The following CETN3 variants were observed in gnomAD, a reference collection of about 807,000 sequenced individuals.
CETN3 encodes centrin-3.
In CETN3, 17 loss-of-function variants were observed where a neutral mutation model predicts 20.1. That is an observed-to-expected ratio of 0.85 (90% CI 0.58 to 1.27). CETN3 has a LOEUF of 1.27. Ranked by LOEUF, CETN3 falls within the 50% of genes most tolerant of loss-of-function variation. The probability of loss-of-function intolerance (pLI) is 0.00; values close to 1 mark genes in which losing one functional copy is unlikely to be tolerated. For missense variants in CETN3, 169 were observed against 191.2 expected (o/e 0.88, Z 0.69); for synonymous variants, 52 against 59.7 (o/e 0.87, Z 0.59).
In CETN3 at chr5:90,393,945, C is replaced by T. The variant is rs544294064; in HGVS notation, c.*119G>A. The T allele has an allele frequency of 2.3e-5, 16 of 700,196 alleles. No homozygotes were observed. The Admixed American group carries it at 2.9e-4, about 13-fold the overall frequency. The allele number at this position is 700,196 out of a possible 1,614,324, so 43.4% of individuals were successfully genotyped here. On this transcript the variant is annotated 3_prime_UTR_variant, in exon 5 of 5. Transcript: ENST00000283122. ...TAGTAAAATACAGATATATAAGATGCTTATTTTTGGTCCTTTAGGATAAAA... is the reference window on the plus strand; with the variant it reads ...TAGTAAAATACAGATATATAAGATGTTTATTTTTGGTCCTTTAGGATAAAA...
chr5:90,404,432 C>T (rs918597264), intron 3 of CETN3, among the ~76,000 whole-genome samples: 7 of 152,142 alleles, frequency 4.6e-5, no homozygotes, highest in Admixed American at 2.6e-4. Context: ...AGGAATACTA[C>T]GATCATAAAC....
intron 3 of CETN3, chr5:90,405,365 T>A (rs1181650112): frequency 6.2e-6 from 2 of 321,462 alleles, no homozygotes; most frequent in African/African-American, 4.2e-5. Context: ...GCAAAAATAA[T>A]TTTTTGATCA....
chr5:90,406,975 A>G (rs750133539), intron 2 of CETN3, among the ~76,000 whole-genome samples: 13 of 151,954 alleles, frequency 8.6e-5, no homozygotes, highest in Non-Finnish European at 1.6e-4. Context: ...TCCTATCCCT[A>G]CTTGGAATTC....
At chr5:90,397,589 C>T (rs775023620) in intron 4 of CETN3, among the ~76,000 whole-genome samples, 2 of 152,106 alleles carry the variant, frequency 1.3e-5, no homozygotes. Context: ...GAAGTTCCAA[C>T]TGAGTATGTT....
chr5:90,395,023 G>A (rs1749105259), intron 4 of CETN3, among the ~76,000 whole-genome samples: 1 of 152,042 alleles, frequency 6.6e-6, no homozygotes, highest in South Asian at 2.1e-4. Context: ...TTTTGATAAT[G>A]CCAAAAGAAA....
Position 90,392,720 on chromosome 5 carries a change from T to G in CETN3, c.*1344A>C, listed in dbSNP as rs1404852958. The G allele has an allele frequency of 1.3e-5, 2 of 152,232 alleles. No individual in the cohort carries two copies. The highest frequency in any genetic ancestry group is 1.3e-4 in the Admixed American group (2 of 15,286). The allele number at this position is 152,232 out of a possible 1,614,324, so 9.4% of individuals were successfully genotyped here. A position where few individuals can be genotyped will look rare whatever the true frequency, so the allele number is the denominator to read the frequency against. ...GCTTCCTGTAAAGCCTGCAGAACCGTAAGCCAATTAAGCTTCTTTTCTTTA... is the reference window on the plus strand; with the variant it reads ...GCTTCCTGTAAAGCCTGCAGAACCGGAAGCCAATTAAGCTTCTTTTCTTTA... On this transcript the variant is annotated 3_prime_UTR_variant, in exon 5 of 5. Transcript: ENST00000283122.
In CETN3 at chr5:90,407,850, A is replaced by G. The variant is rs1371005363; in HGVS notation, c.18-16T>C. 2.6e-6 allele frequency: 4 copies of G among 1,558,820 alleles called. No individual in the cohort carries two copies. Among genetic ancestry groups the G allele is most frequent in the Non-Finnish European group, 3.5e-6 (4 of 1,157,356 alleles). On this transcript the variant is annotated splice_polypyrimidine_tract_variant and intron_variant, in intron 1 of 4. Coordinates refer to ENST00000283122, the MANE Select transcript of CETN3 (RefSeq NM_004365.4). ...AAGCTCACTTCTATGAAATGGAAAG[A>G]AAAAGCCCTTAGTCCACTTTAATTC... is the stretch of plus-strand genomic sequence containing the variant.
chr5:90,406,883 A>G (rs1224485184), intron 2 of CETN3, among the ~76,000 whole-genome samples: 2 of 150,536 alleles, frequency 1.3e-5, no homozygotes, highest in Non-Finnish European at 3.0e-5. Context: ...AAAGAGAGCC[A>G]AAGAGGACTG....
intron 3 of CETN3, among the ~76,000 whole-genome samples, chr5:90,402,951 CAAT>C (rs1749336828): frequency 6.6e-6 from 1 of 152,128 alleles, no homozygotes; most frequent in Non-Finnish European, 1.5e-5. Flanking sequence ...AAAATGAAGA[CAAT>C]AATACAGTAT....
At chr5:90,394,564 TA>T (rs1263680491) in intron 4 of CETN3, among the ~76,000 whole-genome samples, 3 of 151,896 alleles carry the variant, frequency 2.0e-5, no homozygotes, top group Non-Finnish European at 2.9e-5. Flanking sequence ...GAAAATATAA[TA>T]AAATTATAAA....
chr5:90,404,602 C>T (rs1554068786), intron 3 of CETN3, among the ~76,000 whole-genome samples: 1 of 152,150 alleles, frequency 6.6e-6, no homozygotes, highest in Non-Finnish European at 1.5e-5. Flanking sequence ...ATCTTCTGTG[C>T]TGTGTTTTTT....
intron 4 of CETN3, among the ~76,000 whole-genome samples, chr5:90,398,101 C>CT (rs1749180070): frequency 1.3e-5 from 2 of 152,054 alleles, no homozygotes; most frequent in African/African-American, 4.8e-5. Flanking sequence ...ATTACCACAG[C>CT]TTTATGTCTA....
At chr5:90,407,224 A>G (rs1008343550) in intron 2 of CETN3, among the ~76,000 whole-genome samples, 4 of 152,184 alleles carry the variant, frequency 2.6e-5, no homozygotes, top group African/African-American at 9.6e-5. Flanking sequence ...TTTACCTATT[A>G]GCATGTGTCA....
At chr5:90,403,654 G>A (rs1749358353) in intron 3 of CETN3, among the ~76,000 whole-genome samples, 2 of 151,566 alleles carry the variant, frequency 1.3e-5, no homozygotes, top group African/African-American at 4.9e-5. Context: ...GGCGGATCAC[G>A]AGGTCAGGAG....
rs200867373 is a variant in CETN3, at chr5:90,407,800, T to C, written c.52A>G (p.Lys18Glu). 48 of 1,603,066 alleles carry C rather than the reference T, an allele frequency of 3.0e-5. No homozygotes were observed. The highest frequency in any genetic ancestry group is 3.9e-5 in the Non-Finnish European group (46 of 1,174,724). The change falls in exon 2 of 5, where the codon AAA becomes GAA. Residue 18 changes from lysine to glutamate, a missense_variant. By Grantham distance (56) the Lys-to-Glu change is moderately conservative (BLOSUM62 1). Coordinates refer to ENST00000283122, the MANE Select transcript of CETN3 (RefSeq NM_004365.4). ...TGTTCCTCAGACAGTTCTCTTCTTT[T>C]TTTCCTCTTTGTTTTGTCCACTACA... is the stretch of plus-strand genomic sequence containing the variant. ...ELVVDKTKRK[K>E]RRELSEEQKQ...
chr5:90,393,851 C>T lies in CETN3; in HGVS notation c.*213G>A, dbSNP rs1561404978. ...CAATTTTTAAAACTTTATATAAAAGCTCTATTATAAATACAAAGCTAAACT... is the reference window on the plus strand; with the variant it reads ...CAATTTTTAAAACTTTATATAAAAGTTCTATTATAAATACAAAGCTAAACT... On this transcript the variant is annotated 3_prime_UTR_variant, in exon 5 of 5. Transcript: ENST00000283122. 2.8e-6 allele frequency: 1 copy of T among 360,930 alleles called. No homozygotes were observed. The highest frequency in any genetic ancestry group is 4.9e-6 in the Non-Finnish European group (1 of 202,322). 22.4% of individuals were successfully genotyped at this position (360,930 alleles called of 1,614,324 possible). A position where few individuals can be genotyped will look rare whatever the true frequency, so the allele number is the denominator to read the frequency against.
intron 3 of CETN3, among the ~76,000 whole-genome samples, chr5:90,400,604 A>G (rs1749262814): frequency 6.7e-6 from 1 of 150,268 alleles, no homozygotes; most frequent in Non-Finnish European, 1.5e-5. Context: ...AAAAAAAAAA[A>G]GCAACTGCTT....
chr5:90,404,850 G>T (rs142853843), intron 3 of CETN3, among the ~76,000 whole-genome samples: 1 of 147,620 alleles, frequency 6.8e-6, no homozygotes, highest in African/African-American at 2.5e-5. Context: ...TGCTTATATC[G>T]TGACCCATTG....
intron 4 of CETN3, among the ~76,000 whole-genome samples, chr5:90,395,467 ATTAAT>A (rs983041871): frequency 6.6e-4 from 101 of 152,072 alleles, no homozygotes; most frequent in Middle Eastern, 3.4e-3. Context: ...TAATTAATTA[ATTAAT>A]TTAGAGACCG....
Sources: gnomAD v4.1 joint callset for allele counts (sites outside exome capture counted in the v4.1 genomes callset) on GRCh38, gnomAD v4.1.1 for gene constraint, MANE v1.5 for transcripts, NCBI Gene and HGNC (gene_info 2026-07-23, HGNC 2026-07-21) for gene names.